The following MYO10 variants were observed in gnomAD, a reference collection of about 807,000 sequenced individuals.
The protein encoded by MYO10 is unconventional myosin-X.
A neutral mutation model predicts 257.3 loss-of-function variants in MYO10; 133 were observed. The observed-to-expected ratio is 0.52, with a 90% CI of 0.45 to 0.60. The LOEUF (loss-of-function observed/expected upper bound fraction) is 0.60, where lower values mean the gene tolerates loss of function less well. Among genes scored for constraint, MYO10 ranks in the 20% least tolerant of loss-of-function variants. MYO10 has a pLI of 0.00. For synonymous variants in MYO10, 1,104 were observed against 1,028.6 expected, an observed-to-expected ratio of 1.07 and a Z score of -1.40; for missense variants, 2,399 against 2,635.7, an observed-to-expected ratio of 0.91 and a Z score of 1.97.
rs540161005 is a variant in MYO10 at position 16,902,578 on chromosome 5, G to C, written c.22-24871C>G. 172 of 1,574,726 alleles carry C rather than the reference G, an allele frequency of 1.1e-4. 1 individual carries two copies. In the South Asian group the frequency reaches 1.3e-3, roughly 12 times the overall value. On this transcript the variant is annotated intron_variant, in intron 1 of 40. Coordinates refer to ENST00000513610, the MANE Select transcript of MYO10 (RefSeq NM_012334.3). ...ACGCATCGGGCACAGTTAGTGCAGCGAATAGGCTGCACGTGGCCGCGGCCC... is the reference window on the plus strand; with the variant it reads ...ACGCATCGGGCACAGTTAGTGCAGCCAATAGGCTGCACGTGGCCGCGGCCC...
chr5:16,767,869 G>A (rs183460116), intron 10 of MYO10, among the ~76,000 whole-genome samples: 5 of 151,908 alleles, frequency 3.3e-5, no homozygotes, highest in Non-Finnish European at 7.4e-5. Flanking sequence ...GTAGAGACGG[G>A]GTTTCACCAT....
chr5:16,814,409 A>G (rs1010312601), intron 3 of MYO10: 3 of 152,032 alleles, frequency 2.0e-5, no homozygotes, highest in Non-Finnish European at 4.4e-5. Context: ...CGGCCTCCCA[A>G]AGTGCTGGGA....
At chr5:16,817,569 A>AG (rs1405150288) in intron 3 of MYO10, among the ~76,000 whole-genome samples, 3 of 152,178 alleles carry the variant, frequency 2.0e-5, no homozygotes, top group Non-Finnish European at 4.4e-5. Context: ...TTATCACCCT[A>AG]GGGTGGGCTT....
intron 9 of MYO10, among the ~76,000 whole-genome samples, chr5:16,779,012 C>T (rs1240628975): frequency 6.6e-6 from 1 of 152,104 alleles, no homozygotes; most frequent in Non-Finnish European, 1.5e-5. Context: ...CCCAATAAAA[C>T]CCTGCTCTAC....
intron 3 of MYO10, 91 bp from the exon 4 acceptor site, chr5:16,794,924 G>T (rs981129328): frequency 2.0e-6 from 2 of 1,023,956 alleles, no homozygotes; most frequent in Non-Finnish European, 2.6e-6. Flanking sequence ...GCGCCAGGGG[G>T]AAAGACGTCT....
chr5:16,735,534 A>G (rs1463122697), intron 19 of MYO10, among the ~76,000 whole-genome samples: 1 of 151,970 alleles, frequency 6.6e-6, no homozygotes, highest in Non-Finnish European at 1.5e-5. Context: ...GGGAGACCCC[A>G]TTTCCACCAA....
At chr5:16,869,191 A>ATTTTTTTTT (rs70943814) in intron 2 of MYO10, among the ~76,000 whole-genome samples, 106 of 115,806 alleles carry the variant, frequency 9.2e-4, no homozygotes, top group Non-Finnish European at 1.2e-3. Flanking sequence ...CACCCGGCTA[A>ATTTTTTTTT]TTTTTTTTTT....
At chr5:16,719,462 A>G (rs1739051850) in intron 19 of MYO10, among the ~76,000 whole-genome samples, 1 of 152,226 alleles carries the variant, frequency 6.6e-6, no homozygotes, top group South Asian at 2.1e-4. Context: ...GACAACGTAT[A>G]TAATAACGAC....
intron 2 of MYO10, among the ~76,000 whole-genome samples, chr5:16,876,724 T>C (rs1346067267): frequency 2.6e-5 from 4 of 152,094 alleles, no homozygotes. Context: ...CTGGTTAATT[T>C]TTGTATTTTT....
chr5:16,736,479 C>A (rs957713476), intron 19 of MYO10, among the ~76,000 whole-genome samples: 1 of 152,200 alleles, frequency 6.6e-6, no homozygotes, highest in Non-Finnish European at 1.5e-5. Flanking sequence ...TTTGTTCCTG[C>A]ATGCTCACAG....
chr5:16,852,050 CAAAAAAAAAAAAAAAAA>C (rs70943811), intron 2 of MYO10, among the ~76,000 whole-genome samples: 1 of 42,540 alleles, frequency 2.4e-5, no homozygotes, highest in Non-Finnish European at 4.4e-5. Flanking sequence ...GACTCCATCT[CAAAAAAAAAAAAAAAAA>C]AAAAAAAAAA....
intron 3 of MYO10, among the ~76,000 whole-genome samples, chr5:16,809,485 A>G (rs779685205): frequency 2.9e-4 from 44 of 152,236 alleles, no homozygotes; most frequent in Non-Finnish European, 4.3e-4. Flanking sequence ...CAGCCTTCAC[A>G]TGGCAAGCAG....
intron 2 of MYO10, among the ~76,000 whole-genome samples, chr5:16,818,394 G>GTA (rs1228269109): frequency 7.5e-4 from 81 of 107,838 alleles, no homozygotes; most frequent in African/African-American, 2.4e-3. Flanking sequence ...GTGTGTGTGT[G>GTA]TGTGTGTGTG....
In MYO10 at chr5:16,918,145, T is replaced by G. The variant is rs76576347; in HGVS notation, c.21+17643A>C. Among the ~76,000 whole-genome samples the G allele has an allele frequency of 5.6e-3, 846 of 152,272 alleles. 8 individuals carry two copies. The highest frequency in any genetic ancestry group is 0.019 in the African/African-American group (800 of 41,546). On this transcript the variant is annotated intron_variant, in intron 1 of 40. Transcript: ENST00000513610. ...CTAGGAGAGTCAATTTCCAAAATAGTTTCTTAAAATTGTTATCATTAAACT... is the reference window on the plus strand; with the variant it reads ...CTAGGAGAGTCAATTTCCAAAATAGGTTCTTAAAATTGTTATCATTAAACT...
At chr5:16,682,332 G>T (rs1737046703) in intron 30 of MYO10, among the ~76,000 whole-genome samples, 1 of 151,908 alleles carries the variant, frequency 6.6e-6, no homozygotes, top group Non-Finnish European at 1.5e-5. Flanking sequence ...ATTTTTTTTT[G>T]ATGCCTCTCC....
intron 19 of MYO10, among the ~76,000 whole-genome samples, chr5:16,729,045 C>G (rs1339695838): frequency 6.6e-6 from 1 of 152,160 alleles, no homozygotes; most frequent in Admixed American, 6.5e-5. Context: ...TTCAAATGCA[C>G]CAGTCCTCAA....
At chr5:16,848,625 C>T (rs868190240) in intron 2 of MYO10, among the ~76,000 whole-genome samples, 119 of 152,098 alleles carry the variant, frequency 7.8e-4, no homozygotes, top group African/African-American at 2.6e-3. Context: ...CTTTGGGAAA[C>T]GCTCGTCGTT....
At position 16,743,649 on chromosome 5, in the gene MYO10, A is replaced by C. The variant is rs140955536; in HGVS notation, c.1929+11179T>G. ...AAGAGTGAGACTCCATTGCAAAAAA[A>C]AAAAGAAACTTCATTCTCAATGCTT... On this transcript the variant is annotated intron_variant, in intron 19 of 40. Transcript: ENST00000513610. Among the ~76,000 whole-genome samples, 589 of 152,270 alleles carry C rather than the reference A, an allele frequency of 3.9e-3. 5 individuals carry two copies. The highest frequency in any genetic ancestry group is 0.014 in the African/African-American group (572 of 41,560).
At position 16,797,348 on chromosome 5, in the gene MYO10, G is replaced by C. The variant is rs111880407; in HGVS notation, c.280-2515C>G. The stretch of plus-strand genomic sequence containing the variant: ...ATATCAGAAGTCCAAAACACTTCAG[G>C]TCCCAAGCATTCTGGATAAGGGTTA... On this transcript the variant is annotated intron_variant, in intron 3 of 40. Transcript: ENST00000513610. Among the ~76,000 whole-genome samples the C allele has an allele frequency of 5.9e-5, 9 of 152,190 alleles. 2 individuals are homozygous for C. Among genetic ancestry groups the C allele is most frequent in the African/African-American group, 2.2e-4 (9 of 41,532 alleles).
Sources: allele counts gnomAD v4.1 joint callset (sites outside exome capture counted in the v4.1 genomes callset), GRCh38; gene constraint gnomAD v4.1.1; transcripts MANE v1.5; gene names NCBI Gene and HGNC (gene_info 2026-07-23, HGNC 2026-07-21).